Variants in BANF2 observed in about 807,000 individuals in gnomAD.
BANF2 encodes the protein barrier-to-autointegration factor-like protein.
Under a neutral mutation model 8.0 loss-of-function variants are expected in BANF2, and 4 were observed. The observed-to-expected ratio is 0.50, with a 90% CI of 0.25 to 1.14. The LOEUF is 1.14. Ranked by LOEUF, BANF2 falls within the 50% of genes most tolerant of loss-of-function variation. The pLI is 0.16. For synonymous variants in BANF2, 50 were observed against 40.6 expected (o/e 1.23, Z -0.88); for missense variants, 96 against 107.5 (o/e 0.89, Z 0.47).
intron 1 of BANF2, among the ~76,000 whole-genome samples, chr20:17,700,673 G>A (rs2037394004): frequency 3.3e-5 from 5 of 152,176 alleles, no homozygotes; most frequent in Admixed American, 3.3e-4. Context: ...AGGAAAGTGG[G>A]CAAAATCTAA....
intron 1 of BANF2, among the ~76,000 whole-genome samples, chr20:17,703,286 T>C (rs2037435871): frequency 6.6e-6 from 1 of 152,228 alleles, no homozygotes; most frequent in Non-Finnish European, 1.5e-5. Context: ...TCTACTGCCC[T>C]ATCCCTGGAT....
At chr20:17,710,649 A>G (rs1412166281) in intron 1 of BANF2, among the ~76,000 whole-genome samples, 1 of 152,220 alleles carries the variant, frequency 6.6e-6, no homozygotes, top group African/African-American at 2.4e-5. Context: ...GCTGACATCC[A>G]GACTAGTGCT....
intron 3 of BANF2, 61 bp from the exon 4 acceptor site, chr20:17,735,604 G>A (rs1270494708): frequency 9.8e-6 from 15 of 1,538,078 alleles, no homozygotes; most frequent in Middle Eastern, 1.7e-4. Context: ...AAGGAAGAGC[G>A]CGTCTGAGCT....
At chr20:17,696,985 G>A (rs2037351350), upstream of BANF2, among the ~76,000 whole-genome samples, 1 of 152,038 alleles carries the variant, frequency 6.6e-6, no homozygotes, top group African/African-American at 2.4e-5. Context: ...GATGATAATG[G>A]GGAGGAGAAT....
At chr20:17,733,395 G>A (rs867162121) in intron 3 of BANF2, among the ~76,000 whole-genome samples, 4 of 152,190 alleles carry the variant, frequency 2.6e-5, no homozygotes, top group South Asian at 2.1e-4. Flanking sequence ...GTGCTAAAAA[G>A]TGCTACTTAG....
intron 1 of BANF2, among the ~76,000 whole-genome samples, chr20:17,721,895 T>C (rs1443533853): frequency 6.6e-6 from 1 of 152,248 alleles, no homozygotes; most frequent in Non-Finnish European, 1.5e-5. Context: ...CTCGATGGTA[T>C]TGACACCTAG....
chr20:17,698,908 C>G (rs190056435), upstream of BANF2, among the ~76,000 whole-genome samples: 2 of 152,352 alleles, frequency 1.3e-5, no homozygotes, highest in East Asian at 1.9e-4. Context: ...CTGCCATCAG[C>G]TGGCAATACT....
chr20:17,721,688 G>A lies in BANF2; in HGVS notation c.-166-1028G>A, dbSNP rs564376717. ...ATTACAGGTGTGAGCCACCACTCCC[G>A]GCACCTTTGGAAGTTTGCACATTGG... On this transcript the variant is annotated intron_variant, in intron 1 of 3. Transcript: ENST00000246090. 3.3e-5 allele frequency among the ~76,000 whole-genome samples: 5 copies of A among 152,160 alleles called. No homozygotes were observed. The East Asian group carries it at 5.8e-4, about 18-fold the overall frequency.
chr20:17,716,944 G>C (rs910884352), intron 1 of BANF2, among the ~76,000 whole-genome samples: 1 of 152,048 alleles, frequency 6.6e-6, no homozygotes, highest in African/African-American at 2.4e-5. Context: ...GAACTCCTGG[G>C]CTCAAGTGAT....
chr20:17,707,231 A>G (rs77134814), intron 1 of BANF2, among the ~76,000 whole-genome samples: 2 of 151,250 alleles, frequency 1.3e-5, no homozygotes, highest in Non-Finnish European at 2.9e-5. Context: ...AAAAAAAAAA[A>G]TACAAAAAAT....
chr20:17,709,847 G>C (rs1170637681), intron 1 of BANF2, among the ~76,000 whole-genome samples: 1 of 152,196 alleles, frequency 6.6e-6, no homozygotes, highest in Non-Finnish European at 1.5e-5. Flanking sequence ...AGCTTAGCAC[G>C]GTGCCTTGGT....
At chr20:17,698,302 C>T (rs2037367960), upstream of BANF2, among the ~76,000 whole-genome samples, 1 of 152,190 alleles carries the variant, frequency 6.6e-6, no homozygotes, top group Non-Finnish European at 1.5e-5. Flanking sequence ...TCCCTGTTTA[C>T]CTTCAGACAT....
chr20:17,698,567 A>C (rs935228214), upstream of BANF2, among the ~76,000 whole-genome samples: 2 of 152,224 alleles, frequency 1.3e-5, no homozygotes, highest in African/African-American at 2.4e-5. Flanking sequence ...TTATTTATCT[A>C]CCAACTGATA....
At chr20:17,719,621 T>C (rs771610549) in intron 1 of BANF2, among the ~76,000 whole-genome samples, 14 of 152,068 alleles carry the variant, frequency 9.2e-5, no homozygotes, top group Non-Finnish European at 1.5e-4. Flanking sequence ...AATTCTGCTT[T>C]GATCTATTTT....
intron 1 of BANF2, among the ~76,000 whole-genome samples, chr20:17,718,731 A>C (rs529743713): frequency 6.6e-5 from 10 of 152,214 alleles, no homozygotes; most frequent in Non-Finnish European, 1.5e-4. Context: ...AACATTTGCA[A>C]CTGGGAGGTC....
At chr20:17,712,937 T>G (rs1439333740) in intron 1 of BANF2, among the ~76,000 whole-genome samples, 1 of 152,118 alleles carries the variant, frequency 6.6e-6, no homozygotes, top group African/African-American at 2.4e-5. Flanking sequence ...AATGGAATGT[T>G]GTTTAGTCTT....
chr20:17,714,981 A>G (rs1044663812), intron 1 of BANF2, among the ~76,000 whole-genome samples: 3 of 152,210 alleles, frequency 2.0e-5, no homozygotes, highest in Non-Finnish European at 4.4e-5. Flanking sequence ...CCATCTAGAG[A>G]CTGTAAATGA....
intron 1 of BANF2, among the ~76,000 whole-genome samples, chr20:17,721,254 A>G (rs1003266834): frequency 2.6e-5 from 4 of 152,182 alleles, no homozygotes; most frequent in Non-Finnish European, 5.9e-5. Context: ...ACAGGTGGGC[A>G]TGTTGCCTGG....
At chr20:17,728,559 T>A (rs1278786122) in intron 3 of BANF2, among the ~76,000 whole-genome samples, 1 of 152,170 alleles carries the variant, frequency 6.6e-6, no homozygotes, top group Non-Finnish European at 1.5e-5. Context: ...CAGCTTTTTT[T>A]AATGGAGGAT....
Sources: gnomAD v4.1 joint callset for allele counts (sites outside exome capture counted in the v4.1 genomes callset) on GRCh38, gnomAD v4.1.1 for gene constraint, MANE v1.5 for transcripts, NCBI Gene and HGNC (gene_info 2026-07-23, HGNC 2026-07-21) for gene names.